Variants in DLX1 observed in about 807,000 individuals in gnomAD.
The protein encoded by DLX1 is homeobox protein DLX-1.
In DLX1, 7 loss-of-function variants were observed where a neutral mutation model predicts 25.0. The observed-to-expected ratio is 0.28, with a 90% confidence interval of 0.16 to 0.52. The LOEUF (loss-of-function observed/expected upper bound fraction) is 0.52. Ranked by LOEUF, DLX1 falls within the 20% of genes least tolerant of loss-of-function variation. The pLI is 0.96. For synonymous variants in DLX1, 155 were observed against 140.3 expected, an observed-to-expected ratio of 1.10 and a Z score of -0.74; for missense variants, 233 against 334.4, an observed-to-expected ratio of 0.70 and a Z score of 2.37.
rs1204750925 is a variant in DLX1 at position 172,086,634 on chromosome 2, T to A, written c.314-20T>A. 2 of 1,517,604 alleles carry A rather than the reference T, an allele frequency of 1.3e-6. No individual in the cohort carries two copies. The highest frequency in any genetic ancestry group is 4.6e-5 in the East Asian group (2 of 43,862). The allele number at this position is 1,517,604 out of a possible 1,614,324, so 94.0% of individuals were successfully genotyped here. A position where few individuals can be genotyped will look rare whatever the true frequency, so the allele number is the denominator to read the frequency against. ...GGCCCCTCGTATTAACAACGGGCCC[T>A]ACTTCTGCTGTCCCTCCAGGGGCGG... On this transcript the variant is annotated intron_variant, in intron 1 of 2. Transcript: ENST00000361725.
chr2:172,087,064 C>A (rs751360748), intron 2 of DLX1: 8 of 717,696 alleles, frequency 1.1e-5, no homozygotes, highest in Non-Finnish European at 1.8e-5. Context: ...AGCTGCCTGC[C>A]GTCCGGCCCT....
In DLX1 at chr2:172,088,956, CG is replaced by C. The variant is rs1457112754; in HGVS notation, c.*700del. On this transcript the variant is annotated 3_prime_UTR_variant, in exon 3 of 3. Coordinates refer to ENST00000361725, the MANE Select transcript of DLX1 (RefSeq NM_178120.5). ...TTTACTTTAAGCGCACGGGGAGAAA[CG>C]AATAAGGAGGACGTGGTGATTTTTA... 1 of 152,160 alleles carries C rather than the reference CG, an allele frequency of 6.6e-6. No homozygotes were observed. The highest frequency in any genetic ancestry group is 1.9e-4 in the East Asian group (1 of 5,206). 9.4% of individuals were successfully genotyped at this position (152,160 alleles called of 1,614,324 possible).
chr2:172,086,485 G>T, intron 1 of DLX1, 169 bp from the exon 2 acceptor site: 1 of 640,702 alleles, frequency 1.6e-6, no homozygotes. Flanking sequence ...CAGCGTCCCG[G>T]GACAGGCCCT....
At chr2:172,086,464 T>A in intron 1 of DLX1, 190 bp from the exon 2 acceptor site, 1 of 570,292 alleles carries the variant, frequency 1.8e-6, no homozygotes, top group Non-Finnish European at 3.0e-6. Context: ...GGAACGGCTC[T>A]ATCCCTCCTG....
rs1267834870 is a variant in DLX1 at position 172,085,998 on chromosome 2, C to G, written c.313+8C>G. 6.2e-6 allele frequency: 10 copies of G among 1,602,878 alleles called. No individual in the cohort carries two copies. The South Asian group carries it at 1.0e-4, about 16-fold the overall frequency. On this transcript the variant is annotated splice_region_variant and intron_variant, in intron 1 of 2. Transcript: ENST00000361725. This position sits in a 1 kb window ranked among gnomAD's most constrained non-coding sequence, Gnocchi z 4.3. ...GCCGCCTGGAGGACCCAGGTACGTG[C>G]GCTTGCCAGGGAGAGGGAGAGGAGG...
rs534275812 is a variant in DLX1, at chr2:172,088,890, G to T, written c.*633G>T. ...CGCCTGAGGCTGTTTGCCAATTCAG[G>T]GTTCTGCTGGGCGCAAGGAACGCAC... On this transcript the variant is annotated 3_prime_UTR_variant, in exon 3 of 3. Coordinates refer to ENST00000361725, the MANE Select transcript of DLX1 (RefSeq NM_178120.5). 1 of 152,196 alleles carries T rather than the reference G, an allele frequency of 6.6e-6. No homozygotes were observed. Among genetic ancestry groups the T allele is most frequent in the Non-Finnish European group, 1.5e-5 (1 of 68,062 alleles). The allele number at this position is 152,196 out of a possible 1,614,324, so 9.4% of individuals were successfully genotyped here. A position where few individuals can be genotyped will look rare whatever the true frequency, so the allele number is the denominator to read the frequency against.
At chr2:172,086,483 C>G (rs1383585047) in intron 1 of DLX1, 171 bp from the exon 2 acceptor site, 4 of 634,780 alleles carry the variant, frequency 6.3e-6, no homozygotes, top group African/African-American at 5.5e-5. Flanking sequence ...TGCAGCGTCC[C>G]GGGACAGGCC....
At chr2:172,086,541 TTCTC>T in intron 1 of DLX1, 109 bp from the exon 2 acceptor site, 1 of 1,065,560 alleles carries the variant, frequency 9.4e-7, no homozygotes, top group Non-Finnish European at 1.3e-6. Flanking sequence ...TTCTTGAACG[TTCTC>T]TCCCTGGTGC....
In DLX1 at chr2:172,087,399, G is replaced by A. The variant is rs1014160242; in HGVS notation, c.513+546G>A. ...CGGGGAGCCCGTGAGCGTTCCTGAC[G>A]GCGGCGGGCGCGGGTTTCCGACGTC... On this transcript the variant is annotated intron_variant, in intron 2 of 2. Transcript: ENST00000361725. The A allele has an allele frequency of 1.7e-5, 7 of 411,026 alleles. No homozygotes were observed. In the Admixed American group the frequency reaches 1.9e-4, roughly 11 times the overall value. The allele number at this position is 411,026 out of a possible 1,614,324, so 25.5% of individuals were successfully genotyped here.
rs775634191 is a variant in DLX1 at position 172,085,999 on chromosome 2, G to C, written c.313+9G>C. On this transcript the variant is annotated intron_variant, in intron 1 of 2. Transcript: ENST00000361725. This position sits in a 1 kb window ranked among gnomAD's most constrained non-coding sequence, Gnocchi z 4.3. ...CCGCCTGGAGGACCCAGGTACGTGC[G>C]CTTGCCAGGGAGAGGGAGAGGAGGA... 1.9e-6 allele frequency: 3 copies of C among 1,604,986 alleles called. No homozygotes were observed. Among genetic ancestry groups the C allele is most frequent in the Non-Finnish European group, 2.6e-6 (3 of 1,174,360 alleles).
rs1391647883 is a variant in DLX1 at position 172,088,152 on chromosome 2, A to G, written c.663A>G (p.Ser221=). The change falls in exon 3 of 3, where the codon TCA becomes TCG. Residue 221 remains serine, a synonymous_variant. Transcript: ENST00000361725. The part of the protein sequence containing the change: ...PVPPGWNPNS[S]SGKGSGGNAG... ...CGCCCGGCTGGAACCCTAACTCTTC[A>G]TCCGGGAAGGGCTCAGGAGGAAACG... 3.1e-6 allele frequency: 5 copies of G among 1,610,482 alleles called. No homozygotes were observed. In the African/African-American group the frequency reaches 6.7e-5, roughly 22 times the overall value.
chr2:172,088,384 C>T lies in DLX1; in HGVS notation c.*127C>T, dbSNP rs1027881660. The T allele has an allele frequency of 1.3e-5, 16 of 1,238,176 alleles. No individual in the cohort carries two copies. The African/African-American group carries it at 1.7e-4, about 13-fold the overall frequency. 76.7% of individuals were successfully genotyped at this position (1,238,176 alleles called of 1,614,324 possible). On this transcript the variant is annotated 3_prime_UTR_variant, in exon 3 of 3. Transcript: ENST00000361725. ...ACAGTGGAGGCGGGACGCCCTCCAT[C>T]TCCTCGGAGCCCCGCGAGGTCCGGC...
At chr2:172,087,312 C>T (rs1574156252) in intron 2 of DLX1, 1 of 371,252 alleles carries the variant, frequency 2.7e-6, no homozygotes, top group Admixed American at 3.6e-5. Flanking sequence ...GCCCTCTCAC[C>T]TCTCAAGTCC....
chr2:172,086,478 C>T (rs890084982), intron 1 of DLX1, 176 bp from the exon 2 acceptor site: 1 of 611,562 alleles, frequency 1.6e-6, no homozygotes, highest in Non-Finnish European at 2.8e-6. Context: ...CCTCCTGCAG[C>T]GTCCCGGGAC....
intron 2 of DLX1, among the ~76,000 whole-genome samples, chr2:172,087,722 A>G (rs1054113176): frequency 6.6e-6 from 1 of 151,858 alleles, no homozygotes; most frequent in African/African-American, 2.4e-5. Flanking sequence ...CTGGCAGGCT[A>G]AGGCCTGGAT....
chr2:172,086,422 C>G (rs572738823), intron 1 of DLX1: 1 of 491,146 alleles, frequency 2.0e-6, no homozygotes, highest in Non-Finnish European at 3.6e-6. Context: ...AAATAGCAAA[C>G]TTTCCCTGCA....
Position 172,085,660 on chromosome 2 carries a change from C to G in DLX1, c.-18C>G, listed in dbSNP as rs1165988823. On this transcript the variant is annotated 5_prime_UTR_variant, in exon 1 of 3. Transcript: ENST00000361725. The surrounding 1 kb of genome is among the most constrained non-coding windows in gnomAD (Gnocchi z 4.3). ...AGCAGAGGAGAGAAAGTCCCACACC[C>G]AGACCCCGCGAGAAGAGATGACCAT... is the stretch of plus-strand genomic sequence containing the variant. 1 of 1,605,258 alleles carries G rather than the reference C, an allele frequency of 6.2e-7. No homozygotes were observed. Among genetic ancestry groups the G allele is most frequent in the Non-Finnish European group, 8.5e-7 (1 of 1,175,564 alleles).
At position 172,089,139 on chromosome 2, in the gene DLX1, T is replaced by C. The variant is rs1690923730; in HGVS notation, c.*882T>C. ...TTTTCTCATTTCGGGAGGAACTCTGTTGCTTCGCCTGGACAAGAAGGAAAA... is the reference window on the plus strand; with the variant it reads ...TTTTCTCATTTCGGGAGGAACTCTGCTGCTTCGCCTGGACAAGAAGGAAAA... On this transcript the variant is annotated 3_prime_UTR_variant, in exon 3 of 3. Coordinates refer to ENST00000361725, the MANE Select transcript of DLX1 (RefSeq NM_178120.5). 6.6e-6 allele frequency: 1 copy of C among 152,230 alleles called. No homozygotes were observed. Among genetic ancestry groups the C allele is most frequent in the Admixed American group, 6.5e-5 (1 of 15,290 alleles). 9.4% of individuals were successfully genotyped at this position (152,230 alleles called of 1,614,324 possible).
chr2:172,087,915 T>C, intron 2 of DLX1, 88 bp from the exon 3 acceptor site: 1 of 1,498,764 alleles, frequency 6.7e-7, no homozygotes. Context: ...GTCCTATCTC[T>C]GCTGTTCTGC....
Sources: allele counts gnomAD v4.1 joint callset (sites outside exome capture counted in the v4.1 genomes callset), GRCh38; gene constraint gnomAD v4.1.1; non-coding constraint Gnocchi (gnomAD v3.1); transcripts MANE v1.5; gene names NCBI Gene and HGNC (gene_info 2026-07-23, HGNC 2026-07-21).